The following ADAMTS19 variants were observed in gnomAD, a reference collection of about 807,000 sequenced individuals.
ADAMTS19 encodes A disintegrin and metalloproteinase with thrombospondin motifs 19.
A neutral mutation model predicts 153.3 loss-of-function variants in ADAMTS19; 93 were observed. The observed-to-expected ratio is 0.61, with a 90% CI of 0.51 to 0.72. ADAMTS19 has a LOEUF of 0.72. ADAMTS19 is among the 30% of genes least tolerant of loss of function. ADAMTS19 has a pLI of 0.00. For synonymous variants in ADAMTS19, 600 were observed against 556.6 expected, an observed-to-expected ratio of 1.08 and a Z score of -1.10; for missense variants, 1,482 against 1,552.1, an observed-to-expected ratio of 0.95 and a Z score of 0.76.
At chr5:129,602,826 C>CTGTGTGTGTGTGTGTGTGTGTG (rs56060749) in intron 8 of ADAMTS19, among the ~76,000 whole-genome samples, 13 of 146,712 alleles carry the variant, frequency 8.9e-5, no homozygotes, top group African/African-American at 3.2e-4. Context: ...CTTATATTCT[C>CTGTGTGTGTGTGTGTGTGTGTG]TGTGTGTGTG....
At chr5:129,600,733 C>T (rs1750605771) in intron 8 of ADAMTS19, among the ~76,000 whole-genome samples, 1 of 151,940 alleles carries the variant, frequency 6.6e-6, no homozygotes, top group Non-Finnish European at 1.5e-5. Context: ...AAATTATCAA[C>T]TTATAAATAT....
At chr5:129,668,167 T>C (rs1754136882) in intron 16 of ADAMTS19, among the ~76,000 whole-genome samples, 1 of 152,184 alleles carries the variant, frequency 6.6e-6, no homozygotes, top group Non-Finnish European at 1.5e-5. Context: ...TCTACCTGCA[T>C]GGTCTCTTTG....
intron 2 of ADAMTS19, among the ~76,000 whole-genome samples, chr5:129,491,674 G>C (rs998706390): frequency 1.3e-5 from 2 of 151,942 alleles, no homozygotes; most frequent in Non-Finnish European, 2.9e-5. Flanking sequence ...ATTTTAATGT[G>C]GTCAAATTTG....
At chr5:129,606,929 T>A (rs1374364966) in intron 8 of ADAMTS19, among the ~76,000 whole-genome samples, 1 of 152,070 alleles carries the variant, frequency 6.6e-6, no homozygotes, top group African/African-American at 2.4e-5. Flanking sequence ...TTTATTTATT[T>A]ATTTTTGAGA....
chr5:129,523,611 C>A (rs150314921), intron 3 of ADAMTS19, among the ~76,000 whole-genome samples: 1 of 152,208 alleles, frequency 6.6e-6, no homozygotes, highest in Admixed American at 6.5e-5. Flanking sequence ...CTGTTATAAT[C>A]GCAAATTTAT....
intron 21 of ADAMTS19, among the ~76,000 whole-genome samples, chr5:129,708,498 G>T (rs966027133): frequency 1.4e-5 from 2 of 138,864 alleles, no homozygotes; most frequent in African/African-American, 5.4e-5. Flanking sequence ...TTAATGAAAT[G>T]ACATTTTTTT....
At chr5:129,701,362 T>C (rs1755839640) in intron 19 of ADAMTS19, 26 bp from the exon 20 acceptor site, 2 of 1,613,404 alleles carry the variant, frequency 1.2e-6, no homozygotes, top group Non-Finnish European at 1.7e-6. Flanking sequence ...TTAACTTGTT[T>C]CCAGTGACTC....
At chr5:129,544,947 C>T (rs186912621) in intron 6 of ADAMTS19, among the ~76,000 whole-genome samples, 2 of 152,208 alleles carry the variant, frequency 1.3e-5, no homozygotes, top group Admixed American at 1.3e-4. Context: ...TTAGTGAAAG[C>T]ATATGCAAAA....
chr5:129,600,212 T>TAC (rs1010014967), intron 8 of ADAMTS19, among the ~76,000 whole-genome samples: 33 of 151,968 alleles, frequency 2.2e-4, no homozygotes, highest in Non-Finnish European at 8.8e-5. Flanking sequence ...CATGCACCCG[T>TAC]ACACACACAC....
chr5:129,529,300 A>G (rs1183322836), intron 6 of ADAMTS19, among the ~76,000 whole-genome samples: 1 of 152,178 alleles, frequency 6.6e-6, no homozygotes, highest in Non-Finnish European at 1.5e-5. Context: ...TGAACTAGCA[A>G]TTTAATTTTA....
intron 3 of ADAMTS19, among the ~76,000 whole-genome samples, chr5:129,514,373 C>T (rs1751530931): frequency 6.6e-6 from 1 of 152,098 alleles, no homozygotes; most frequent in African/African-American, 2.4e-5. Context: ...AACTGTTCTC[C>T]ATAGTGGTTT....
rs1176366690 is a variant in ADAMTS19, at chr5:129,679,898, A to C, written c.2641A>C (p.Thr881Pro). Residue 881 changes from threonine (T) to proline (P), a missense_variant, in exon 17 of 23, where the codon ACT becomes CCT. This residue lies in a region of ADAMTS19 where 616 missense variants were observed against 724.4 expected (regional missense o/e 0.85). Transcript: ENST00000274487. ...LWEKISAKGP[T>P]TAPLHLLVLL... ...GGAGAAGATCTCTGCCAAAGGTCCT[A>C]CTACAGCACCTTTACATCTTCTGGT... 6.2e-7 allele frequency: 1 copy of C among 1,613,560 alleles called. No homozygotes were observed.
At chr5:129,645,358 A>C (rs1028682374) in intron 11 of ADAMTS19, among the ~76,000 whole-genome samples, 7 of 152,206 alleles carry the variant, frequency 4.6e-5, no homozygotes, top group African/African-American at 1.7e-4. Flanking sequence ...AATCTTATAT[A>C]ACATATTGTA....
chr5:129,643,895 A>G (rs186497680), intron 11 of ADAMTS19, among the ~76,000 whole-genome samples: 2 of 152,218 alleles, frequency 1.3e-5, no homozygotes, highest in African/African-American at 2.4e-5. Context: ...AATCATTTTT[A>G]TCATCCCTGA....
At chr5:129,502,415 C>T (rs1270548399) in intron 2 of ADAMTS19, among the ~76,000 whole-genome samples, 1 of 152,192 alleles carries the variant, frequency 6.6e-6, no homozygotes, top group Non-Finnish European at 1.5e-5. Flanking sequence ...CTAGGCCTGA[C>T]ATTCACATTA....
At chr5:129,591,842 G>T (rs1462657917) in intron 7 of ADAMTS19, among the ~76,000 whole-genome samples, 1 of 151,950 alleles carries the variant, frequency 6.6e-6, no homozygotes, top group Non-Finnish European at 1.5e-5. Flanking sequence ...CTTAACTTTT[G>T]TTAGAATGCA....
chr5:129,659,053 C>CTACTGGAAAA (rs1444233036), intron 15 of ADAMTS19, among the ~76,000 whole-genome samples: 1 of 152,144 alleles, frequency 6.6e-6, no homozygotes, highest in African/African-American at 2.4e-5. Context: ...AGAATGATGT[C>CTACTGGAAAA]TACTGGAAAA....
chr5:129,467,036 C>A (rs1387654763), intron 2 of ADAMTS19, among the ~76,000 whole-genome samples: 1 of 152,194 alleles, frequency 6.6e-6, no homozygotes, highest in Non-Finnish European at 1.5e-5. Flanking sequence ...TTCACAGAAA[C>A]AAAAACGTAT....
chr5:129,620,430 TGGG>T (rs762613505), intron 8 of ADAMTS19, among the ~76,000 whole-genome samples, 185 bp from the exon 9 acceptor site: 2 of 152,170 alleles, frequency 1.3e-5, no homozygotes, highest in East Asian at 3.9e-4. Flanking sequence ...TACCTTAAAT[TGGG>T]GTAACAAAAT....
Sources: allele counts gnomAD v4.1 joint callset (sites outside exome capture counted in the v4.1 genomes callset), GRCh38; gene constraint gnomAD v4.1.1; regional missense constraint gnomAD v4.1.1; transcripts MANE v1.5; gene names NCBI Gene and HGNC (gene_info 2026-07-23, HGNC 2026-07-21).